DHRSX: variants seen among roughly 807,000 people sequenced by gnomAD.
The protein encoded by DHRSX is dehydrogenase/reductase X-linked, also known as polyprenol dehydrogenase.
Under a neutral mutation model 34.0 loss-of-function variants are expected in DHRSX, and 31 were observed. That is an observed-to-expected ratio of 0.91 (90% confidence interval 0.69 to 1.23). The LOEUF (loss-of-function observed/expected upper bound fraction) is 1.23, where lower values mean the gene tolerates loss of function less well. Ranked by LOEUF, DHRSX falls within the 50% of genes most tolerant of loss-of-function variation. DHRSX has a pLI of 0.00. For synonymous variants in DHRSX, 201 were observed against 183.8 expected (o/e 1.09, Z -0.76); for missense variants, 414 against 428.1 (o/e 0.97, Z 0.29).
At chrX:2,459,802 T>C (rs1349017128) in intron 1 of DHRSX, among the ~76,000 whole-genome samples, 1 of 151,838 alleles carries the variant, frequency 6.6e-6, no homozygotes, top group Admixed American at 6.6e-5. Context: ...ATTCCAGTTA[T>C]GTGCTCAAGG....
At chrX:2,287,389 T>C (rs993492034) in intron 4 of DHRSX, among the ~76,000 whole-genome samples, 1 of 150,508 alleles carries the variant, frequency 6.6e-6, no homozygotes, top group Non-Finnish European at 1.5e-5. Flanking sequence ...GACAGAATAA[T>C]GACCCAAAGA....
intron 3 of DHRSX, among the ~76,000 whole-genome samples, chrX:2,361,777 C>G (rs1391520972): frequency 2.6e-5 from 4 of 152,160 alleles, no homozygotes; most frequent in Admixed American, 1.3e-4. Context: ...TCTGGATAAG[C>G]ACTTTTGATT....
intron 3 of DHRSX, among the ~76,000 whole-genome samples, chrX:2,377,340 G>T (rs1296326070): frequency 6.6e-6 from 1 of 151,718 alleles, no homozygotes; most frequent in Non-Finnish European, 1.5e-5. Context: ...CAACTAGATG[G>T]TCCCATCCGG....
In DHRSX at chrX:2,230,191, CTA is replaced by C. The variant is rs781257005; in HGVS notation, c.805-8964_805-8963del. ...TGCAGGTGCGCGCATGTGTTTGCAT[CTA>C]TATGTGTGTATTTGTACATGTGTGC... On this transcript the variant is annotated intron_variant, in intron 6 of 6. Coordinates refer to ENST00000334651, the MANE Select transcript of DHRSX (RefSeq NM_145177.3). 2.2e-4 allele frequency among the ~76,000 whole-genome samples: 31 copies of C among 143,614 alleles called. 1 individual carries two copies. The highest frequency in any genetic ancestry group is 1.5e-3 in the South Asian group (6 of 4,040). The allele number at this position is 143,614 out of a possible 152,430, so 94.2% of individuals were successfully genotyped here.
intron 1 of DHRSX, among the ~76,000 whole-genome samples, chrX:2,480,374 T>G (rs1569505529): frequency 6.6e-6 from 1 of 150,896 alleles, no homozygotes; most frequent in Non-Finnish European, 1.5e-5. Context: ...GAAGTGTTTG[T>G]CAAAGAACAT....
intron 3 of DHRSX, among the ~76,000 whole-genome samples, chrX:2,360,575 T>G (rs2042921164): frequency 6.6e-6 from 1 of 151,938 alleles, no homozygotes; most frequent in Admixed American, 6.6e-5. Context: ...AGAGTGAGAC[T>G]CTGTTTCAAC....
At chrX:2,288,147 A>G (rs1171979070) in intron 4 of DHRSX, among the ~76,000 whole-genome samples, 1 of 152,078 alleles carries the variant, frequency 6.6e-6, no homozygotes, top group African/African-American at 2.4e-5. Flanking sequence ...AGAAGGCAAG[A>G]TGAGAGAGAG....
chrX:2,299,333 A>G (rs1311069317), intron 3 of DHRSX, among the ~76,000 whole-genome samples: 1 of 152,170 alleles, frequency 6.6e-6, no homozygotes, highest in Non-Finnish European at 1.5e-5. Context: ...ACAGTGAGAC[A>G]GTATCATATG....
chrX:2,245,994 CA>C lies in DHRSX; in HGVS notation c.597-2765del, dbSNP rs1313375692. Among the ~76,000 whole-genome samples, 135 of 130,906 alleles carry C rather than the reference CA, an allele frequency of 1.0e-3. 2 individuals carry two copies. In the East Asian group the frequency reaches 0.023, roughly 23 times the overall value. The allele number at this position is 130,906 out of a possible 152,430, so 85.9% of individuals were successfully genotyped here. A position where few individuals can be genotyped will look rare whatever the true frequency, so the allele number is the denominator to read the frequency against. On this transcript the variant is annotated intron_variant, in intron 5 of 6. Transcript: ENST00000334651. ...ACAAAAAAACAAAAAAACACACAAA[CA>C]AAAAAAAAACAAGCTGTGACCTGAC...
At chrX:2,424,581 T>C (rs1243548200) in intron 2 of DHRSX, among the ~76,000 whole-genome samples, 3 of 152,202 alleles carry the variant, frequency 2.0e-5, no homozygotes, top group Admixed American at 2.0e-4. Context: ...CCAGTCTCCT[T>C]GAGATACTTT....
At chrX:2,398,654 C>T (rs1302384363) in intron 3 of DHRSX, among the ~76,000 whole-genome samples, 5 of 148,154 alleles carry the variant, frequency 3.4e-5, no homozygotes, top group East Asian at 2.0e-4. Context: ...CGCAAAGAAA[C>T]GTTAAATGCA....
At chrX:2,452,453 G>A (rs7889502) in intron 1 of DHRSX, among the ~76,000 whole-genome samples, 68,486 of 150,600 alleles carry the variant, frequency 0.45, 18,437 homozygotes, top group African/African-American at 0.75. Flanking sequence ...ATGTGGATAA[G>A]GGACCTCCGC....
At chrX:2,369,104 C>T (rs1212072016) in intron 3 of DHRSX, among the ~76,000 whole-genome samples, 2 of 152,174 alleles carry the variant, frequency 1.3e-5, no homozygotes, top group Admixed American at 6.6e-5. Flanking sequence ...GAGGAGCCTT[C>T]GTGACCCTAC....
chrX:2,420,658 G>A (rs1322722435), intron 2 of DHRSX, among the ~76,000 whole-genome samples: 1 of 151,278 alleles, frequency 6.6e-6, no homozygotes, highest in Non-Finnish European at 1.5e-5. Context: ...CAGCAGAATC[G>A]CTTGAACCCG....
intron 6 of DHRSX, among the ~76,000 whole-genome samples, chrX:2,231,489 TTTC>T (rs1353260902): frequency 3.3e-5 from 5 of 150,442 alleles, no homozygotes; most frequent in African/African-American, 9.8e-5. Context: ...CCTCCTCCTC[TTTC>T]ATTTCTTCCT....
At chrX:2,328,344 G>C (rs183173365) in intron 3 of DHRSX, among the ~76,000 whole-genome samples, 1 of 150,124 alleles carries the variant, frequency 6.7e-6, no homozygotes, top group Non-Finnish European at 1.5e-5. Flanking sequence ...TGAGGACACA[G>C]ACACACACAT....
chrX:2,397,322 C>T (rs1311006904), intron 3 of DHRSX, among the ~76,000 whole-genome samples: 1 of 151,998 alleles, frequency 6.6e-6, no homozygotes. Context: ...TTTGTAGAGA[C>T]GGAGTCTCTC....
chrX:2,418,088 C>A, intron 2 of DHRSX, among the ~76,000 whole-genome samples: 1 of 151,800 alleles, frequency 6.6e-6, no homozygotes, highest in East Asian at 2.0e-4. Context: ...CTCAAAGTGA[C>A]CTAGCCCAAC....
intron 3 of DHRSX, among the ~76,000 whole-genome samples, chrX:2,370,842 G>A (rs2043049703): frequency 6.6e-6 from 1 of 152,170 alleles, no homozygotes; most frequent in South Asian, 2.1e-4. Flanking sequence ...AGAGGATCAA[G>A]CAACGCTTCC....
Sources: gnomAD v4.1 joint callset for allele counts (sites outside exome capture counted in the v4.1 genomes callset) on GRCh38, gnomAD v4.1.1 for gene constraint, MANE v1.5 for transcripts, NCBI Gene and HGNC (gene_info 2026-07-23, HGNC 2026-07-21) for gene names.